The following NOS3 variants were observed in gnomAD, a reference collection of about 807,000 sequenced individuals.
NOS3 encodes NOS type III.
A neutral mutation model predicts 144.9 loss-of-function variants in NOS3; 98 were observed. That is an observed-to-expected ratio of 0.68 (90% confidence interval 0.57 to 0.80). The LOEUF is 0.80. Among genes scored for constraint, NOS3 ranks in the 30% least tolerant of loss-of-function variants. The probability of loss-of-function intolerance (pLI) is 0.00; values close to 1 mark genes in which losing one functional copy is unlikely to be tolerated. For missense variants in NOS3, 1,465 were observed against 1,656.4 expected (o/e 0.88, Z 2.01); for synonymous variants, 714 against 702.4 (o/e 1.02, Z -0.26).
intron 2 of NOS3, 103 bp from the exon 3 acceptor site, chr7:150,995,100 G>T (rs1802342398): frequency 6.5e-6 from 4 of 617,654 alleles, no homozygotes; most frequent in Admixed American, 2.8e-5. Flanking sequence ...CGGCAGGTGG[G>T]CTGTGAGATC....
At position 151,003,654 on chromosome 7, in the gene NOS3, C is replaced by T. The variant is rs1563223671; in HGVS notation, c.1752+1350C>T. On this transcript the variant is annotated intron_variant, in intron 14 of 26. Transcript: ENST00000297494. This position sits in a 1 kb window ranked among gnomAD's most constrained non-coding sequence, Gnocchi z 4.1. ...TCAGTTCCTCACGTGAATCCCTTCC[C>T]AGTCTGTCTCCCTGCCAGAAGTGTC... 1.3e-6 allele frequency: 1 copy of T among 757,310 alleles called. No homozygotes were observed. The highest frequency in any genetic ancestry group is 2.0e-6 in the Non-Finnish European group (1 of 488,414). 46.9% of individuals were successfully genotyped at this position (757,310 alleles called of 1,614,324 possible). A position where few individuals can be genotyped will look rare whatever the true frequency, so the allele number is the denominator to read the frequency against.
At position 151,001,527 on chromosome 7, in the gene NOS3, CCAT is replaced by C; in HGVS notation, c.1429-12_1429-10del. The C allele has an allele frequency of 1.9e-6, 3 of 1,613,430 alleles. No homozygotes were observed. Among genetic ancestry groups the C allele is most frequent in the Non-Finnish European group, 2.5e-6 (3 of 1,179,492 alleles). On this transcript the variant is annotated splice_polypyrimidine_tract_variant and intron_variant, in intron 11 of 26. Coordinates refer to ENST00000297494, the MANE Select transcript of NOS3 (RefSeq NM_000603.5). The stretch of plus-strand genomic sequence containing the variant: ...CTTTTCTTTACCTCCCCTCCCAACC[CCAT>C]CATCTCTCTGCAGCCAGACCCCTGG...
intron 2 of NOS3, among the ~76,000 whole-genome samples, chr7:150,994,479 C>A (rs1391634890): frequency 1.3e-5 from 2 of 152,094 alleles, no homozygotes; most frequent in East Asian, 1.9e-4. Context: ...GAAGACAGAG[C>A]CACCAGGCTT....
At chr7:151,013,530 CG>C in intron 25 of NOS3, 151 bp downstream of exon 25, 1 of 1,180,084 alleles carries the variant, frequency 8.5e-7, no homozygotes, top group Non-Finnish European at 1.2e-6. Context: ...CCTTGTGCCC[CG>C]GCCCCTCTAG....
intron 8 of NOS3, 24 bp from the exon 9 acceptor site, chr7:150,999,166 G>A (rs753117242): frequency 8.1e-6 from 13 of 1,610,274 alleles, no homozygotes; most frequent in Non-Finnish European, 7.6e-6. Context: ...AGGGGGTGCT[G>A]ATCCCACACC....
chr7:151,013,324 G>A lies in NOS3; in HGVS notation c.3200G>A (p.Arg1067His), dbSNP rs759024532. Residue 1067 changes from arginine to histidine, a missense_variant, in exon 25 of 27, where the codon CGC (arginine) becomes CAC (histidine). Arg to His is a conservative substitution (Grantham distance 29). This residue lies in a region of NOS3 where 228 missense variants were observed against 227.7 expected (regional missense o/e 1.00). Coordinates refer to ENST00000297494, the MANE Select transcript of NOS3 (RefSeq NM_000603.5). ...GACGAGGTGCAGAACGCCCAGCAGC[G>A]CGGGGTGTTTGGCCGAGTCCTCACC... Reference protein sequence around the residue: ...YRDEVQNAQQRGVFGRVLTAF... With the variant: ...YRDEVQNAQQHGVFGRVLTAF... The A allele has an allele frequency of 1.9e-6, 3 of 1,613,914 alleles. No individual in the cohort carries two copies. Among genetic ancestry groups the A allele is most frequent in the African/African-American group, 1.3e-5 (1 of 74,930 alleles).
rs980965727 is a variant in NOS3 at position 151,014,178 on chromosome 7, T to C, written c.*9T>C. On this transcript the variant is annotated 3_prime_UTR_variant, in exon 27 of 27. Coordinates refer to ENST00000297494, the MANE Select transcript of NOS3 (RefSeq NM_000603.5). ...ACACCAACAGCCCCTGAGAGCCGCCTGGCTTTCCCTTCCAGTTCCGGGAGA... is the reference window on the plus strand; with the variant it reads ...ACACCAACAGCCCCTGAGAGCCGCCCGGCTTTCCCTTCCAGTTCCGGGAGA... The C allele has an allele frequency of 6.3e-7, 1 of 1,592,516 alleles. No individual in the cohort carries two copies. The highest frequency in any genetic ancestry group is 8.6e-7 in the Non-Finnish European group (1 of 1,165,930).
At position 150,998,758 on chromosome 7, in the gene NOS3, C is replaced by G; in HGVS notation, c.816+78C>G. Reference sequence around the variant, plus strand: ...ACCAGTGGGAGAAGGCTCGGGGGATCCAGGCAGGAAGAGGGGAGCCTCGGT... The same window carrying G: ...ACCAGTGGGAGAAGGCTCGGGGGATGCAGGCAGGAAGAGGGGAGCCTCGGT... On this transcript the variant is annotated intron_variant, in intron 7 of 26. Transcript: ENST00000297494. This position sits in a 1 kb window ranked among gnomAD's most constrained non-coding sequence, Gnocchi z 5.0. 6.5e-7 allele frequency: 1 copy of G among 1,530,154 alleles called. No homozygotes were observed. The highest frequency in any genetic ancestry group is 8.9e-7 in the Non-Finnish European group (1 of 1,129,936). The allele number at this position is 1,530,154 out of a possible 1,614,324, so 94.8% of individuals were successfully genotyped here.
rs370128708 is a variant in NOS3, at chr7:151,009,135, G to T, written c.2246-54G>T. Reference sequence around the variant, plus strand: ...CACCCCGGGACTAAAGCACTCTGGGGCCAGGCCCTGCTCCCTAGCTCAGGC... The same window carrying T: ...CACCCCGGGACTAAAGCACTCTGGGTCCAGGCCCTGCTCCCTAGCTCAGGC... On this transcript the variant is annotated intron_variant, in intron 18 of 26. Transcript: ENST00000297494. 7 of 1,612,914 alleles carry T rather than the reference G, an allele frequency of 4.3e-6. No homozygotes were observed. In the African/African-American group the frequency reaches 8.0e-5, roughly 18 times the overall value.
In NOS3 at chr7:150,996,898, G is replaced by A. The variant is rs1207039891; in HGVS notation, c.555G>A (p.Val185=). 1.3e-6 allele frequency: 2 copies of A among 1,579,286 alleles called. No individual in the cohort carries two copies. The highest frequency in any genetic ancestry group is 1.8e-5 in the Admixed American group (1 of 55,280). Residue 185 remains valine, a synonymous_variant, in exon 5 of 27, where the codon GTG becomes GTA. Coordinates refer to ENST00000297494, the MANE Select transcript of NOS3 (RefSeq NM_000603.5). ...CCTGGCGCAACGCTCCCCGCTGCGT[G>A]GGCCGGATCCAGTGGGGGAAGCTGC... ...KQAWRNAPRC[V]GRIQWGKLQV... is the part of the protein sequence containing the mutation.
chr7:150,996,726 T>C, intron 4 of NOS3, 37 bp from the exon 5 acceptor site: 1 of 1,603,902 alleles, frequency 6.2e-7, no homozygotes, highest in Non-Finnish European at 8.5e-7. Context: ...CCCACACAAC[T>C]TCCTGCTTGT....
chr7:151,008,916 G>T lies in NOS3; in HGVS notation c.2113-14G>T. 6.2e-7 allele frequency: 1 copy of T among 1,602,922 alleles called. No homozygotes were observed. The highest frequency in any genetic ancestry group is 8.5e-7 in the Non-Finnish European group (1 of 1,175,868). On this transcript the variant is annotated splice_polypyrimidine_tract_variant and intron_variant, in intron 17 of 26. Transcript: ENST00000297494. ...TGGCGGGAGGTCCTCAGCCCTCACC[G>T]GCCTGTCCCGCAGGCCGCCTGTGAG...
chr7:150,999,109 G>A, intron 8 of NOS3, 24 bp downstream of exon 8: 1 of 1,612,564 alleles, frequency 6.2e-7, no homozygotes, highest in Non-Finnish European at 8.5e-7. Flanking sequence ...GGATTGACTG[G>A]GTGGGATGGA....
chr7:151,007,637 G>A (rs1448371514), intron 17 of NOS3, among the ~76,000 whole-genome samples: 1 of 152,252 alleles, frequency 6.6e-6, no homozygotes, highest in East Asian at 1.9e-4. Flanking sequence ...AGAAGGAAGG[G>A]ACAGAGAGAA....
At position 151,007,288 on chromosome 7, in the gene NOS3, C is replaced by T; in HGVS notation, c.2112+12C>T. 1 of 1,587,932 alleles carries T rather than the reference C, an allele frequency of 6.3e-7. No homozygotes were observed. Among genetic ancestry groups the T allele is most frequent in the Non-Finnish European group, 8.5e-7 (1 of 1,172,296 alleles). The stretch of plus-strand genomic sequence containing the variant: ...AGGCTGCCTTCCAGGTGAGCCCAGC[C>T]CAGCCCCTGCTCTGACTCCTGCCCC... On this transcript the variant is annotated intron_variant, in intron 17 of 26. Coordinates refer to ENST00000297494, the MANE Select transcript of NOS3 (RefSeq NM_000603.5).
intron 12 of NOS3, 72 bp downstream of exon 12, chr7:151,001,689 G>C (rs1372263525): frequency 1.3e-6 from 2 of 1,573,056 alleles, no homozygotes; most frequent in Non-Finnish European, 1.7e-6. Context: ...CACCCTGGGG[G>C]ACCCTGCCCC....
intron 3 of NOS3, 70 bp from the exon 4 acceptor site, chr7:150,996,326 ACCCCTCCT>A: frequency 1.6e-5 from 1 of 62,760 alleles, no homozygotes; most frequent in Non-Finnish European, 3.4e-5. Flanking sequence ...CCACCCCTGC[ACCCCTCCT>A]CCCTGCCCCC....
At chr7:151,013,091 T>TAA in intron 24 of NOS3, 140 bp from the exon 25 acceptor site, 2 of 906,270 alleles carry the variant, frequency 2.2e-6, no homozygotes, top group Non-Finnish European at 3.4e-6. Flanking sequence ...CTACACTCTC[T>TAA]TAGAGATGAA....
chr7:151,006,755 C>T lies in NOS3; in HGVS notation c.1821-134C>T, dbSNP rs1026952835. On this transcript the variant is annotated intron_variant, in intron 15 of 26. Transcript: ENST00000297494. Reference sequence around the variant, plus strand: ...GCTCGGAACCCCAGGGATGCTGGCCCTCAGCCCCTCCCAAGGGCAGGGCCT... The same window carrying T: ...GCTCGGAACCCCAGGGATGCTGGCCTTCAGCCCCTCCCAAGGGCAGGGCCT... 10 of 781,822 alleles carry T rather than the reference C, an allele frequency of 1.3e-5. No homozygotes were observed. The African/African-American group carries it at 1.7e-4, about 13-fold the overall frequency. The allele number at this position is 781,822 out of a possible 1,614,324, so 48.4% of individuals were successfully genotyped here.
Sources: allele counts gnomAD v4.1 joint callset (sites outside exome capture counted in the v4.1 genomes callset), GRCh38; gene constraint gnomAD v4.1.1; regional missense constraint gnomAD v4.1.1; non-coding constraint Gnocchi (gnomAD v3.1); transcripts MANE v1.5; gene names NCBI Gene and HGNC (gene_info 2026-07-23, HGNC 2026-07-21).